COBL: variants seen among roughly 807,000 people sequenced by gnomAD.
COBL encodes the protein cordon-bleu WH2 repeat protein, also known as protein cordon-bleu.
COBL carries 51 observed loss-of-function variants against 98.8 expected under a neutral mutation model. The observed-to-expected ratio is 0.52, with a 90% CI of 0.41 to 0.65. The LOEUF (loss-of-function observed/expected upper bound fraction) is 0.65. COBL is among the 30% of genes least tolerant of loss of function. COBL has a pLI of 0.00. For synonymous variants in COBL, 634 were observed against 651.7 expected (o/e 0.97, Z 0.41); for missense variants, 1,617 against 1,617.5 (o/e 1.00, Z 0.01).
At chr7:51,206,551 A>G (rs569941250) in intron 2 of COBL, among the ~76,000 whole-genome samples, 6 of 152,234 alleles carry the variant, frequency 3.9e-5, no homozygotes, top group African/African-American at 1.2e-4. Flanking sequence ...CTGCACTCCC[A>G]TATCTATTGC....
At chr7:51,236,100 C>T (rs1246948953) in intron 1 of COBL, among the ~76,000 whole-genome samples, 2 of 152,178 alleles carry the variant, frequency 1.3e-5, no homozygotes, top group East Asian at 1.9e-4. Flanking sequence ...CTAACGCTGA[C>T]CAACACTCAA....
chr7:51,140,824 G>A (rs776490042), intron 5 of COBL, among the ~76,000 whole-genome samples: 4 of 152,064 alleles, frequency 2.6e-5, no homozygotes, highest in East Asian at 3.9e-4. Context: ...TGTCTCCCTC[G>A]CTCATTGACT....
rs915563242 is a variant in COBL at position 51,043,502 on chromosome 7, T to C, written c.1287A>G (p.Lys429=). 6.2e-7 allele frequency: 1 copy of C among 1,614,060 alleles called. No individual in the cohort carries two copies. Among genetic ancestry groups the C allele is most frequent in the Non-Finnish European group, 8.5e-7 (1 of 1,180,044 alleles). ...CTTCCTGGTCTGTGGCCCACTTGTCTTTGTATTTCATGCTGTCCTGCTGCG... is the reference window on the plus strand; with the variant it reads ...CTTCCTGGTCTGTGGCCCACTTGTCCTTGTATTTCATGCTGTCCTGCTGCG... ...LDSQQDSMKY[K]DKWATDQEDC... is the part of the protein sequence containing the mutation. The change falls in exon 8 of 13, where the codon AAA becomes AAG. Residue 429 remains lysine (K), a synonymous_variant. Transcript: ENST00000265136.
At chr7:51,087,775 C>T (rs934941876) in intron 6 of COBL, among the ~76,000 whole-genome samples, 5 of 131,168 alleles carry the variant, frequency 3.8e-5, no homozygotes, top group African/African-American at 1.2e-4. Context: ...TGCCCGGCCC[C>T]GCCTTTTTTT....
chr7:51,118,490 C>T (rs1249040590), intron 6 of COBL, among the ~76,000 whole-genome samples: 1 of 152,004 alleles, frequency 6.6e-6, no homozygotes, highest in East Asian at 1.9e-4. Flanking sequence ...TAGGGGCCAC[C>T]TGCATTTCAC....
chr7:51,232,828 A>G (rs1038834685), intron 1 of COBL, among the ~76,000 whole-genome samples: 1 of 152,162 alleles, frequency 6.6e-6, no homozygotes, highest in Admixed American at 6.5e-5. Flanking sequence ...AAAGAAAGAA[A>G]GAAAGAGCAA....
At chr7:51,281,091 C>T (rs1047006312) in intron 1 of COBL, among the ~76,000 whole-genome samples, 2 of 152,054 alleles carry the variant, frequency 1.3e-5, no homozygotes, top group Non-Finnish European at 2.9e-5. Flanking sequence ...TGAATGAAAA[C>T]TTAGTAAGTC....
In COBL at chr7:51,029,138, C is replaced by G. The variant is rs200168451; in HGVS notation, c.1958G>C (p.Gly653Ala). ...TTGAGTCCTCTCCCCGTCAGCACAG[C>G]CATACACTTTGTCTTTCACTTTTGC... The part of the protein sequence containing the change: ...LNAKVKDKVY[G>A]CADGERTQAT... Residue 653 changes from glycine to alanine, a missense_variant, in exon 10 of 13, where the codon GGC (glycine) becomes GCC (alanine). By Grantham distance (60) the Gly-to-Ala change is moderately conservative. Around this residue, in one of 3 missense-constraint regions of COBL, gnomAD observed 1,304 missense variants for 1,282.0 expected, o/e 1.02. Coordinates refer to ENST00000265136, the MANE Select transcript of COBL (RefSeq NM_015198.5). 6 of 1,614,172 alleles carry G rather than the reference C, an allele frequency of 3.7e-6. No homozygotes were observed. The highest frequency in any genetic ancestry group is 1.7e-5 in the Admixed American group (1 of 60,012).
chr7:51,076,918 G>A (rs1793136209), intron 7 of COBL, among the ~76,000 whole-genome samples: 1 of 152,192 alleles, frequency 6.6e-6, no homozygotes, highest in South Asian at 2.1e-4. Context: ...AGCTCCATAT[G>A]CATTGATCTT....
At chr7:51,185,096 G>T (rs1017423079) in intron 4 of COBL, among the ~76,000 whole-genome samples, 2 of 152,104 alleles carry the variant, frequency 1.3e-5, no homozygotes, top group African/African-American at 4.8e-5. Flanking sequence ...TCTTCATCAG[G>T]ATTCTAGAGC....
At chr7:51,095,651 C>T (rs1795206422) in intron 6 of COBL, among the ~76,000 whole-genome samples, 1 of 152,012 alleles carries the variant, frequency 6.6e-6, no homozygotes, top group Non-Finnish European at 1.5e-5. Context: ...AAAAGATTCA[C>T]TCTGGATATA....
chr7:51,141,096 G>C (rs978447281), intron 5 of COBL, among the ~76,000 whole-genome samples: 1 of 151,096 alleles, frequency 6.6e-6, no homozygotes, highest in Non-Finnish European at 1.5e-5. Flanking sequence ...AGGAGATGCT[G>C]TACCTGAAAT....
intron 1 of COBL, among the ~76,000 whole-genome samples, chr7:51,311,871 G>T (rs116361895): frequency 1.3e-5 from 2 of 151,894 alleles, no homozygotes; most frequent in East Asian, 1.9e-4. Context: ...ATATGTAAAA[G>T]CTTTCAGTGG....
chr7:51,032,771 G>A (rs921497388), intron 8 of COBL: 3 of 151,948 alleles, frequency 2.0e-5, no homozygotes, highest in Admixed American at 2.0e-4. Context: ...CTTTACTAAA[G>A]TTCTGCTTTT....
intron 6 of COBL, among the ~76,000 whole-genome samples, chr7:51,099,322 G>T (rs1419602540): frequency 1.3e-5 from 2 of 152,170 alleles, no homozygotes; most frequent in Non-Finnish European, 2.9e-5. Context: ...GTTCACTGCA[G>T]CACAGTTCAC....
chr7:51,083,066 A>T (rs1793826183), intron 7 of COBL: 1 of 1,466,020 alleles, frequency 6.8e-7, no homozygotes, highest in East Asian at 2.8e-5. Flanking sequence ...ACGTTTGGGT[A>T]TCGGGTCTGA....
At chr7:51,096,741 T>C (rs1395001314) in intron 6 of COBL, among the ~76,000 whole-genome samples, 1 of 152,074 alleles carries the variant, frequency 6.6e-6, no homozygotes, top group African/African-American at 2.4e-5. Flanking sequence ...TTGGATAACC[T>C]AGAAGAAATG....
At chr7:51,273,510 C>A (rs772769999) in intron 1 of COBL, among the ~76,000 whole-genome samples, 1 of 152,168 alleles carries the variant, frequency 6.6e-6, no homozygotes, top group Non-Finnish European at 1.5e-5. Context: ...TCTGCAGTGA[C>A]ATTCCTAAGG....
At chr7:51,045,811 A>G (rs1366186708) in intron 7 of COBL, among the ~76,000 whole-genome samples, 1 of 152,232 alleles carries the variant, frequency 6.6e-6, no homozygotes, top group African/African-American at 2.4e-5. Flanking sequence ...GCAATAAAAA[A>G]AAGTTGAGAG....
Sources: allele counts gnomAD v4.1 joint callset (sites outside exome capture counted in the v4.1 genomes callset), GRCh38; gene constraint gnomAD v4.1.1; regional missense constraint gnomAD v4.1.1; transcripts MANE v1.5; gene names NCBI Gene and HGNC (gene_info 2026-07-23, HGNC 2026-07-21).